The following BACH2 variants were observed in gnomAD, a reference collection of about 807,000 sequenced individuals.
BACH2 encodes transcription regulator protein BACH2.
A neutral mutation model predicts 61.8 loss-of-function variants in BACH2; 5 were observed. That is an observed-to-expected ratio of 0.08 (90% confidence interval 0.04 to 0.17). The LOEUF (loss-of-function observed/expected upper bound fraction) is 0.17. Ranked by LOEUF, BACH2 falls within the 10% of genes least tolerant of loss-of-function variation. The pLI is 1.00. For missense variants in BACH2, 824 were observed against 1,091.1 expected (o/e 0.76, Z 3.45); for synonymous variants, 446 against 440.1 (o/e 1.01, Z -0.17).
At chr6:90,014,999 T>C (rs1376143083) in intron 5 of BACH2, among the ~76,000 whole-genome samples, 2 of 151,240 alleles carry the variant, frequency 1.3e-5, no homozygotes, top group East Asian at 3.9e-4. Flanking sequence ...CAGGCTGGTC[T>C]TCAACTCTTG....
intron 5 of BACH2, among the ~76,000 whole-genome samples, chr6:90,012,990 T>C (rs1445738310): frequency 6.6e-6 from 1 of 152,168 alleles, no homozygotes; most frequent in African/African-American, 2.4e-5. Flanking sequence ...AGGTCTTTTA[T>C]ACCTCTTTTG....
chr6:90,103,029 A>ATATATATATTTTTTTTTT, intron 4 of BACH2, among the ~76,000 whole-genome samples: 5 of 21,164 alleles, frequency 2.4e-4, no homozygotes, highest in Non-Finnish European at 3.2e-4. Flanking sequence ...ATATATATAT[A>ATATATATATTTTTTTTTT]TTTTTTTTTT....
intron 6 of BACH2, among the ~76,000 whole-genome samples, chr6:89,953,853 G>T (rs1318836485): frequency 6.6e-6 from 1 of 152,180 alleles, no homozygotes; most frequent in Non-Finnish European, 1.5e-5. Context: ...AGGCAGGCAG[G>T]CAAGGGTCTT....
chr6:90,242,903 G>A (rs1770499907), intron 3 of BACH2, among the ~76,000 whole-genome samples: 1 of 151,786 alleles, frequency 6.6e-6, no homozygotes, highest in Admixed American at 6.6e-5. Flanking sequence ...TTTTGAGGCG[G>A]AGTTTAGCTC....
At chr6:90,204,699 G>A (rs762901964) in intron 4 of BACH2, among the ~76,000 whole-genome samples, 2 of 152,108 alleles carry the variant, frequency 1.3e-5, no homozygotes, top group Admixed American at 6.5e-5. Context: ...CAGATTTCCC[G>A]AGTTGCCTTA....
intron 7 of BACH2, among the ~76,000 whole-genome samples, chr6:89,942,464 C>A (rs1284412840): frequency 6.6e-6 from 1 of 152,150 alleles, no homozygotes; most frequent in Admixed American, 6.5e-5. Context: ...GCCAAACAGG[C>A]CCAGTTGGGC....
At chr6:89,972,887 G>A (rs1419914480) in intron 6 of BACH2, among the ~76,000 whole-genome samples, 3 of 152,092 alleles carry the variant, frequency 2.0e-5, no homozygotes, top group South Asian at 4.1e-4. Context: ...TCAGGAGTTC[G>A]AGACCAGCCT....
chr6:90,146,497 T>C (rs1250787253), intron 4 of BACH2, among the ~76,000 whole-genome samples: 1 of 152,238 alleles, frequency 6.6e-6, no homozygotes, highest in Admixed American at 6.5e-5. Context: ...AAATGAAATA[T>C]AAAATCAGAA....
At chr6:90,099,790 A>G (rs1230652425) in intron 4 of BACH2, among the ~76,000 whole-genome samples, 1 of 152,230 alleles carries the variant, frequency 6.6e-6, no homozygotes, top group Non-Finnish European at 1.5e-5. Flanking sequence ...TAATCAGCAT[A>G]TCATACAATT....
At chr6:90,215,369 G>C (rs1036245260) in intron 3 of BACH2, among the ~76,000 whole-genome samples, 6 of 152,070 alleles carry the variant, frequency 3.9e-5, no homozygotes, top group Non-Finnish European at 8.8e-5. Flanking sequence ...CCTTTCACAA[G>C]CAATTCCTGT....
chr6:90,170,186 A>G (rs1432039175), intron 4 of BACH2, among the ~76,000 whole-genome samples: 2 of 152,200 alleles, frequency 1.3e-5, no homozygotes, highest in Non-Finnish European at 2.9e-5. Flanking sequence ...CTTTCTGCAT[A>G]AACTTCAGTT....
chr6:90,187,145 T>C (rs1053871295), intron 4 of BACH2, among the ~76,000 whole-genome samples: 2 of 152,170 alleles, frequency 1.3e-5, no homozygotes, highest in East Asian at 1.9e-4. Context: ...AAGTGTCTTA[T>C]TGAGAACACG....
At chr6:90,012,908 C>A (rs1052718658) in intron 5 of BACH2, among the ~76,000 whole-genome samples, 1 of 152,082 alleles carries the variant, frequency 6.6e-6, no homozygotes, top group South Asian at 2.1e-4. Context: ...CTCTCCTCGG[C>A]CTCCCAAAGT....
chr6:90,128,242 C>T (rs770854927), intron 4 of BACH2, among the ~76,000 whole-genome samples: 3 of 152,154 alleles, frequency 2.0e-5, no homozygotes, highest in Non-Finnish European at 4.4e-5. Context: ...ATTCATCCTA[C>T]TAGGCTTTGG....
At chr6:90,261,516 C>A (rs1405965516) in intron 2 of BACH2, among the ~76,000 whole-genome samples, 1 of 152,140 alleles carries the variant, frequency 6.6e-6, no homozygotes, top group East Asian at 1.9e-4. Flanking sequence ...ACTGAACCTA[C>A]CAGTTGACAC....
At chr6:90,041,595 G>C (rs1020618856) in intron 5 of BACH2, among the ~76,000 whole-genome samples, 4 of 152,068 alleles carry the variant, frequency 2.6e-5, no homozygotes, top group African/African-American at 9.7e-5. Context: ...GTTCTTCTAT[G>C]GTGGTTGGTC....
chr6:90,067,085 G>A (rs954893754), intron 5 of BACH2, among the ~76,000 whole-genome samples: 1 of 152,206 alleles, frequency 6.6e-6, no homozygotes, highest in African/African-American at 2.4e-5. Context: ...TCTGAGTGCT[G>A]TAATAGGGCA....
chr6:90,250,897 CACA>C (rs1182171281), intron 3 of BACH2, among the ~76,000 whole-genome samples: 2 of 152,112 alleles, frequency 1.3e-5, no homozygotes, highest in Non-Finnish European at 2.9e-5. Context: ...CTCATTTAAT[CACA>C]ACAACCTTAG....
Position 90,081,699 on chromosome 6 carries a change from C to CT in BACH2, c.-13+7261dup, listed in dbSNP as rs952420239. Among the ~76,000 whole-genome samples, 66 of 145,768 alleles carry CT rather than the reference C, an allele frequency of 4.5e-4. 1 individual carries two copies. Among genetic ancestry groups the CT allele is most frequent in the African/African-American group, 1.4e-3 (53 of 37,184 alleles). ...AACCAATGTCAAAGACAGACTTTTT[C>CT]TTTTTTTTTTAAACAAACAAAATCC... On this transcript the variant is annotated intron_variant, in intron 5 of 8. Coordinates refer to ENST00000257749, the MANE Select transcript of BACH2 (RefSeq NM_021813.4).
Sources: allele counts gnomAD v4.1 joint callset (sites outside exome capture counted in the v4.1 genomes callset), GRCh38; gene constraint gnomAD v4.1.1; transcripts MANE v1.5; gene names NCBI Gene and HGNC (gene_info 2026-07-23, HGNC 2026-07-21).